TRIP11: variants seen among roughly 807,000 people sequenced by gnomAD.
TRIP11 encodes the protein thyroid receptor-interacting protein 11.
Under a neutral mutation model 223.1 loss-of-function variants are expected in TRIP11, and 148 were observed. The ratio of observed to expected loss-of-function variants is 0.66; its 90% CI spans 0.58 to 0.76. TRIP11 has a LOEUF of 0.76. Ranked by LOEUF, TRIP11 falls within the 30% of genes least tolerant of loss-of-function variation. The pLI is 0.00. For synonymous variants in TRIP11, 762 were observed against 772.6 expected, an observed-to-expected ratio of 0.99 and a Z score of 0.23; for missense variants, 2,043 against 2,222.0, an observed-to-expected ratio of 0.92 and a Z score of 1.62.
intron 9 of TRIP11, 60 bp downstream of exon 9, chr14:92,010,926 C>T: frequency 2.0e-6 from 3 of 1,491,522 alleles, no homozygotes; most frequent in Non-Finnish European, 2.8e-6. Flanking sequence ...TCAACTGGCC[C>T]TTGGCTGTGA....
intron 11 of TRIP11, among the ~76,000 whole-genome samples, chr14:92,002,279 T>C (rs1207255079): frequency 6.6e-6 from 1 of 152,166 alleles, no homozygotes; most frequent in African/African-American, 2.4e-5. Context: ...ATTTAAATAT[T>C]ATCAAAAGCT....
Position 92,004,745 on chromosome 14 carries a change from T to G in TRIP11, c.3231A>C (p.Ser1077=). Reference sequence around the variant, plus strand: ...AAACAACATCTTGAGTATGGGAAGTTGAAGAAATTCTAGCATGAAGAGCTT... The same window carrying G: ...AAACAACATCTTGAGTATGGGAAGTGGAAGAAATTCTAGCATGAAGAGCTT... The part of the protein sequence containing the change: ...EIQALHARIS[S]TSHTQDVVYL... Residue 1077 remains serine, a synonymous_variant, in exon 11 of 21, where the codon TCA becomes TCC. Coordinates refer to ENST00000267622, the MANE Select transcript of TRIP11 (RefSeq NM_004239.4). The G allele has an allele frequency of 6.2e-7, 1 of 1,614,156 alleles. No homozygotes were observed.
At chr14:92,011,168 T>C in intron 8 of TRIP11, 96 bp from the exon 9 acceptor site, 1 of 1,105,176 alleles carries the variant, frequency 9.0e-7, no homozygotes. Flanking sequence ...CTATTCAGTA[T>C]TTCTTTAATG....
At chr14:92,013,437 C>T (rs1421815477) in intron 7 of TRIP11, among the ~76,000 whole-genome samples, 4 of 152,208 alleles carry the variant, frequency 2.6e-5, no homozygotes, top group African/African-American at 7.2e-5. Flanking sequence ...GAGATGTTAA[C>T]CTGTCCAAGG....
rs1466432197 is a variant in TRIP11, at chr14:91,967,023, C to T, written c.*2650G>A. On this transcript the variant is annotated 3_prime_UTR_variant, in exon 21 of 21. Coordinates refer to ENST00000267622, the MANE Select transcript of TRIP11 (RefSeq NM_004239.4). ...AGCAGGTGGTTCATCTCTGACACAA[C>T]TAAGTTTCAGAAAAGTCAATGACTT... 1 of 191,304 alleles carries T rather than the reference C, an allele frequency of 5.2e-6. No homozygotes were observed. Among genetic ancestry groups the T allele is most frequent in the African/African-American group, 2.3e-5 (1 of 42,684 alleles). The allele number at this position is 191,304 out of a possible 1,614,324, so 11.9% of individuals were successfully genotyped here. A position where few individuals can be genotyped will look rare whatever the true frequency, so the allele number is the denominator to read the frequency against.
intron 5 of TRIP11, among the ~76,000 whole-genome samples, chr14:92,017,299 T>A (rs183539340): frequency 6.6e-6 from 1 of 152,168 alleles, no homozygotes; most frequent in Non-Finnish European, 1.5e-5. Flanking sequence ...CCCAGCGTTG[T>A]GGGAGGCTGA....
At position 92,021,663 on chromosome 14, in the gene TRIP11, C is replaced by G. The variant is rs146591834; in HGVS notation, c.481G>C (p.Asp161His). The G allele has an allele frequency of 1.3e-5, 21 of 1,613,994 alleles. No homozygotes were observed. In the African/African-American group the frequency reaches 1.9e-4, roughly 14 times the overall value. ...SHHPSAFHDDDMDFGDIISSQ... is the reference protein window; with the variant it reads ...SHHPSAFHDDHMDFGDIISSQ... Reference sequence around the variant, plus strand: ...GAAATTATATCACCAAAGTCCATGTCATCGTCATGGAAAGCTGAAGGATGA... The same window carrying G: ...GAAATTATATCACCAAAGTCCATGTGATCGTCATGGAAAGCTGAAGGATGA... The change falls in exon 4 of 21, where the codon GAC becomes CAC. Residue 161 changes from aspartate to histidine, a missense_variant. Asp to His is a moderately conservative substitution (Grantham distance 81). Coordinates refer to ENST00000267622, the MANE Select transcript of TRIP11 (RefSeq NM_004239.4).
chr14:91,969,596 C>G lies in TRIP11; in HGVS notation c.*77G>C. 7.0e-7 allele frequency: 1 copy of G among 1,427,082 alleles called. No homozygotes were observed. The highest frequency in any genetic ancestry group is 9.9e-7 in the Non-Finnish European group (1 of 1,012,778). The allele number at this position is 1,427,082 out of a possible 1,614,324, so 88.4% of individuals were successfully genotyped here. On this transcript the variant is annotated 3_prime_UTR_variant, in exon 21 of 21. Coordinates refer to ENST00000267622, the MANE Select transcript of TRIP11 (RefSeq NM_004239.4). ...AATACATGACTTTCTCCCCAAAGGC[C>G]ACTTTGTGATAAAGTACATACATAT...
At chr14:92,020,740 GGAGA>G (rs979168853) in intron 4 of TRIP11, among the ~76,000 whole-genome samples, 26 of 151,968 alleles carry the variant, frequency 1.7e-4, no homozygotes, top group Non-Finnish European at 1.2e-4. Flanking sequence ...ACTCAGACTA[GGAGA>G]GAAAGATGAC....
At chr14:92,026,939 A>G in intron 2 of TRIP11, 1 of 1,163,644 alleles carries the variant, frequency 8.6e-7, no homozygotes, top group South Asian at 1.3e-5. Context: ...CGACCTATTC[A>G]CCCTCCACTT....
intron 14 of TRIP11, 63 bp downstream of exon 14, chr14:91,995,289 A>G: frequency 6.2e-7 from 1 of 1,602,438 alleles, no homozygotes; most frequent in South Asian, 1.1e-5. Context: ...ATAGCTCTCA[A>G]ATTAGGCAAA....
intron 16 of TRIP11, among the ~76,000 whole-genome samples, chr14:91,985,632 T>G (rs1255751985): frequency 2.6e-5 from 4 of 152,242 alleles, no homozygotes; most frequent in Non-Finnish European, 5.9e-5. Context: ...AGTCTACAGA[T>G]GCTTAGAAGT....
chr14:91,995,440 C>T lies in TRIP11; in HGVS notation c.4968G>A (p.Ala1656=), dbSNP rs768646025. 2.2e-5 allele frequency: 36 copies of T among 1,614,108 alleles called. No homozygotes were observed. Among genetic ancestry groups the T allele is most frequent in the South Asian group, 5.5e-5 (5 of 91,076 alleles). The part of the protein sequence containing the change: ...NVVSKQRDET[A]LQLSVSQEQV... The stretch of plus-strand genomic sequence containing the variant: ...GTTCCTGAGAGACAGAAAGCTGCAG[C>T]GCAGTTTCATCCCTTTGCTTGGAAA... The change falls in exon 14 of 21, where the codon GCG becomes GCA. Residue 1656 remains alanine (A), a synonymous_variant. Coordinates refer to ENST00000267622, the MANE Select transcript of TRIP11 (RefSeq NM_004239.4).
At chr14:91,977,396 CT>C (rs1680699610) in intron 16 of TRIP11, 1 of 288,890 alleles carries the variant, frequency 3.5e-6, no homozygotes, top group Non-Finnish European at 6.8e-6. Flanking sequence ...AAATTTAGGT[CT>C]ACCAGCCATT....
chr14:91,975,942 A>G (rs1198104287), intron 17 of TRIP11, among the ~76,000 whole-genome samples, 166 bp downstream of exon 17: 2 of 152,204 alleles, frequency 1.3e-5, no homozygotes, highest in Non-Finnish European at 2.9e-5. Flanking sequence ...AAGGTAAGTG[A>G]TTCTGCTGAC....
Position 92,003,707 on chromosome 14 carries a change from T to A in TRIP11, c.4269A>T (p.Leu1423=), listed in dbSNP as rs1173287265. 3 of 1,614,084 alleles carry A rather than the reference T, an allele frequency of 1.9e-6. No homozygotes were observed. The highest frequency in any genetic ancestry group is 2.7e-5 in the African/African-American group (2 of 74,948). ...DLLIKAKSDQ[L]LSSNENFTNK... ...TAGTGAAATTTTCATTGGAAGAAAGTAGTTGATCACTTTTGGCTTTGATTA... is the reference window on the plus strand; with the variant it reads ...TAGTGAAATTTTCATTGGAAGAAAGAAGTTGATCACTTTTGGCTTTGATTA... The change falls in exon 11 of 21, where the codon CTA becomes CTT. Residue 1423 remains leucine (L), a synonymous_variant. Coordinates refer to ENST00000267622, the MANE Select transcript of TRIP11 (RefSeq NM_004239.4).
intron 15 of TRIP11, 86 bp from the exon 16 acceptor site, chr14:91,988,469 T>C (rs1441294212): frequency 1.7e-6 from 2 of 1,183,206 alleles, no homozygotes; most frequent in Non-Finnish European, 2.5e-6. Flanking sequence ...AGTCAACCTC[T>C]ACATTTCAGC....
intron 12 of TRIP11, 52 bp downstream of exon 12, chr14:91,999,916 T>G (rs1422584819): frequency 6.2e-7 from 1 of 1,605,794 alleles, no homozygotes; most frequent in Non-Finnish European, 8.5e-7. Context: ...GTTCTCTTAA[T>G]AGTTATTAAA....
Position 92,004,711 on chromosome 14 carries a change from G to A in TRIP11, c.3265C>T (p.Gln1089Ter). Reference protein sequence around the residue: ...SHTQDVVYLQQQLQAYAMERE... With the variant: ...SHTQDVVYLQ ...TCCATAGCATAAGCCTGCAGTTGCTGTTGAAGGTAAACAACATCTTGAGTA... is the reference window on the plus strand; with the variant it reads ...TCCATAGCATAAGCCTGCAGTTGCTATTGAAGGTAAACAACATCTTGAGTA... The change falls in exon 11 of 21, where the codon CAG (glutamine) becomes TAG (stop). Residue 1089 changes from glutamine to a stop codon, truncating the protein, a stop_gained. Coordinates refer to ENST00000267622, the MANE Select transcript of TRIP11 (RefSeq NM_004239.4). LOFTEE classifies it high-confidence loss of function. 6.2e-7 allele frequency: 1 copy of A among 1,614,136 alleles called. No homozygotes were observed.
Sources: allele counts gnomAD v4.1 joint callset (sites outside exome capture counted in the v4.1 genomes callset), GRCh38; gene constraint gnomAD v4.1.1; transcripts MANE v1.5; gene names NCBI Gene and HGNC (gene_info 2026-07-23, HGNC 2026-07-21).